Variants in TTC29 observed in about 807,000 individuals in gnomAD.
TTC29 encodes the protein tetratricopeptide repeat domain 29, also known as tetratricopeptide repeat protein 29.
In TTC29, 49 loss-of-function variants were observed where a neutral mutation model predicts 58.1. The observed-to-expected ratio is 0.84, with a 90% CI of 0.67 to 1.07. The LOEUF (loss-of-function observed/expected upper bound fraction) is 1.07. TTC29 is among the 50% of genes least tolerant of loss of function. The pLI is 0.00. For missense variants in TTC29, 582 were observed against 555.6 expected (o/e 1.05, Z -0.48); for synonymous variants, 209 against 196.8 (o/e 1.06, Z -0.52).
At chr4:146,803,714 T>C in intron 10 of TTC29, 29 bp from the exon 11 acceptor site, 1 of 1,500,076 alleles carries the variant, frequency 6.7e-7, no homozygotes, top group Non-Finnish European at 9.0e-7. Context: ...TAATTTTCTT[T>C]CTTACTTTTA....
intron 6 of TTC29, among the ~76,000 whole-genome samples, chr4:146,885,148 C>G (rs1055593036): frequency 6.6e-6 from 1 of 151,988 alleles, no homozygotes; most frequent in Non-Finnish European, 1.5e-5. Context: ...AATCATGAGT[C>G]TTGAGAACCT....
intron 4 of TTC29, among the ~76,000 whole-genome samples, chr4:146,935,651 A>G (rs1038198983): frequency 1.3e-5 from 2 of 152,212 alleles, no homozygotes; most frequent in Middle Eastern, 3.4e-3. Flanking sequence ...ATCATTTCAT[A>G]TTTGTCTCCT....
intron 11 of TTC29, among the ~76,000 whole-genome samples, chr4:146,730,599 G>T (rs1744254209): frequency 6.6e-6 from 1 of 152,182 alleles, no homozygotes. Context: ...GGGATGTTGG[G>T]AAGAAGCAGC....
intron 7 of TTC29, among the ~76,000 whole-genome samples, chr4:146,872,482 T>C (rs1276380713): frequency 6.6e-6 from 1 of 152,046 alleles, no homozygotes; most frequent in Non-Finnish European, 1.5e-5. Context: ...TATTTTCAAA[T>C]CGTATATCTG....
intron 11 of TTC29, among the ~76,000 whole-genome samples, chr4:146,770,554 T>C (rs1747653710): frequency 2.0e-5 from 3 of 152,028 alleles, no homozygotes; most frequent in Admixed American, 2.0e-4. Flanking sequence ...AACTGAATTC[T>C]GGTCTTTAGG....
At chr4:146,789,907 C>T (rs1438150504) in intron 11 of TTC29, among the ~76,000 whole-genome samples, 1 of 152,134 alleles carries the variant, frequency 6.6e-6, no homozygotes, top group East Asian at 1.9e-4. Context: ...TCAGTAACAA[C>T]TGGAATAAAA....
At chr4:146,776,395 G>T (rs1289446418) in intron 11 of TTC29, among the ~76,000 whole-genome samples, 3 of 151,548 alleles carry the variant, frequency 2.0e-5, no homozygotes, top group African/African-American at 7.3e-5. Flanking sequence ...TCTCATCTGT[G>T]TGGGCTGATG....
At chr4:146,903,999 G>A (rs559694637) in intron 5 of TTC29, among the ~76,000 whole-genome samples, 5 of 152,240 alleles carry the variant, frequency 3.3e-5, no homozygotes, top group Non-Finnish European at 5.9e-5. Flanking sequence ...GAAACAGGAG[G>A]CTTTAAGATG....
intron 11 of TTC29, among the ~76,000 whole-genome samples, chr4:146,743,258 C>T (rs1480591700): frequency 6.6e-6 from 1 of 152,002 alleles, no homozygotes; most frequent in Non-Finnish European, 1.5e-5. Context: ...AGACAGATTT[C>T]GTTTGAATAT....
chr4:146,828,034 G>A (rs1332476826), intron 9 of TTC29, among the ~76,000 whole-genome samples: 1 of 152,076 alleles, frequency 6.6e-6, no homozygotes, highest in East Asian at 1.9e-4. Context: ...TGGTAAAAGA[G>A]TCTTCTACAT....
At chr4:146,708,322 A>ATATACATACATG (rs1561046685) in intron 11 of TTC29, among the ~76,000 whole-genome samples, 5 of 31,242 alleles carry the variant, frequency 1.6e-4, no homozygotes, top group Admixed American at 3.7e-4. Context: ...ATATATATAT[A>ATATACATACATG]TATATATATA....
intron 4 of TTC29, among the ~76,000 whole-genome samples, chr4:146,922,513 T>C (rs944960661): frequency 2.8e-4 from 42 of 149,236 alleles, no homozygotes; most frequent in African/African-American, 1.1e-3. Flanking sequence ...AGCTAACTCT[T>C]ACTATATGCT....
intron 9 of TTC29, among the ~76,000 whole-genome samples, chr4:146,825,940 TA>T (rs1166927825): frequency 2.8e-4 from 42 of 150,114 alleles, no homozygotes; most frequent in Admixed American, 2.6e-3. Context: ...CTTTTTTTTT[TA>T]AAAAAATTTC....
At chr4:146,749,801 T>G (rs1745842984) in intron 11 of TTC29, among the ~76,000 whole-genome samples, 1 of 152,072 alleles carries the variant, frequency 6.6e-6, no homozygotes, top group Non-Finnish European at 1.5e-5. Context: ...GAGAAAAACA[T>G]CAAGTCATAT....
chr4:146,938,865 T>C (rs895387741), intron 3 of TTC29, among the ~76,000 whole-genome samples: 4 of 152,210 alleles, frequency 2.6e-5, no homozygotes, highest in Non-Finnish European at 4.4e-5. Context: ...TATTGGTAAC[T>C]AATATGTATG....
At chr4:146,730,960 C>T (rs1744286970) in intron 11 of TTC29, among the ~76,000 whole-genome samples, 1 of 152,110 alleles carries the variant, frequency 6.6e-6, no homozygotes, top group African/African-American at 2.4e-5. Context: ...GAAAACTATT[C>T]TTTAAAGACA....
chr4:146,798,886 CAAAAAAAAA>C (rs70958529), intron 11 of TTC29, among the ~76,000 whole-genome samples: 6 of 18,262 alleles, frequency 3.3e-4, no homozygotes, highest in Non-Finnish European at 5.1e-4. Flanking sequence ...GACTCCGTCT[CAAAAAAAAA>C]AAAAAAAAAA....
rs549187445 is a variant in TTC29, at chr4:146,869,519, A to C, written c.800-1936T>G. On this transcript the variant is annotated intron_variant, in intron 7 of 12. Transcript: ENST00000325106. ...TACAGGATTATGGGTTCTGGGGATA[A>C]ATGTGGGACTAGTGAAGGGAAAAAC... is the stretch of plus-strand genomic sequence containing the variant. Among the ~76,000 whole-genome samples the C allele has an allele frequency of 5.3e-5, 8 of 152,252 alleles. No homozygotes were observed. The East Asian group carries it at 1.5e-3, about 29-fold the overall frequency.
intron 7 of TTC29, among the ~76,000 whole-genome samples, chr4:146,870,741 A>G (rs1730878230): frequency 1.3e-5 from 2 of 152,000 alleles, no homozygotes; most frequent in Non-Finnish European, 2.9e-5. Flanking sequence ...GATAAAGTAG[A>G]TGAAATAGAC....
Sources: allele counts gnomAD v4.1 joint callset (sites outside exome capture counted in the v4.1 genomes callset), GRCh38; gene constraint gnomAD v4.1.1; transcripts MANE v1.5; gene names NCBI Gene and HGNC (gene_info 2026-07-23, HGNC 2026-07-21).